Variants in PPP1R12B observed in about 807,000 individuals in gnomAD.
The protein encoded by PPP1R12B is protein phosphatase 1 regulatory subunit 12B.
Under a neutral mutation model 126.1 loss-of-function variants are expected in PPP1R12B, and 76 were observed. The ratio of observed to expected loss-of-function variants is 0.60; its 90% CI spans 0.50 to 0.73. The LOEUF is 0.73. PPP1R12B is among the 30% of genes least tolerant of loss of function. PPP1R12B has a pLI of 0.00. For synonymous variants in PPP1R12B, 356 were observed against 434.7 expected (o/e 0.82, Z 2.25); for missense variants, 1,052 against 1,205.1 (o/e 0.87, Z 1.88).
At chr1:202,473,430 A>G (rs767325394) in intron 13 of PPP1R12B, among the ~76,000 whole-genome samples, 2 of 152,200 alleles carry the variant, frequency 1.3e-5, no homozygotes, top group Non-Finnish European at 2.9e-5. Context: ...GGCATTTGCT[A>G]GCTGGCTATG....
At position 202,508,158 on chromosome 1, in the gene PPP1R12B, T is replaced by C. The variant is rs1037305451; in HGVS notation, c.2490+11336T>C. Among the ~76,000 whole-genome samples the C allele has an allele frequency of 3.9e-5, 6 of 152,202 alleles. No homozygotes were observed. Among genetic ancestry groups the C allele is most frequent in the African/African-American group, 1.4e-4 (6 of 41,464 alleles). On this transcript the variant is annotated intron_variant, in intron 18 of 23. Transcript: ENST00000608999. The surrounding 1 kb of genome is among the most constrained non-coding windows in gnomAD (Gnocchi z 4.5). The stretch of plus-strand genomic sequence containing the variant: ...TCCCAATTTTAACTTTTCTCCATAC[T>C]GTCTCAGTCTTCAGTAAAGCAAGTT...
chr1:202,362,914 A>C (rs994534904), intron 1 of PPP1R12B, among the ~76,000 whole-genome samples: 3 of 152,146 alleles, frequency 2.0e-5, no homozygotes, highest in East Asian at 1.9e-4. Context: ...GCTCACTGCA[A>C]CTTCTGCCTA....
chr1:202,492,200 G>A (rs139327178), intron 14 of PPP1R12B, among the ~76,000 whole-genome samples: 31 of 152,078 alleles, frequency 2.0e-4, no homozygotes, highest in Middle Eastern at 3.4e-3. Context: ...CATTATACTC[G>A]TCTGTCTTCT....
rs1047833833 is a variant in PPP1R12B, at chr1:202,364,582, A to T, written c.291+15440A>T. Among the ~76,000 whole-genome samples the T allele has an allele frequency of 7.3e-5, 11 of 150,706 alleles. No individual in the cohort carries two copies. In the East Asian group the frequency reaches 1.2e-3, roughly 16 times the overall value. On this transcript the variant is annotated intron_variant, in intron 1 of 23. Coordinates refer to ENST00000608999, the MANE Select transcript of PPP1R12B (RefSeq NM_002481.4). ...TTAATTAATTTATTTATTTTTATTT[A>T]TTTATTTTTTTTGAGACGGAGTCTT...
intron 1 of PPP1R12B, among the ~76,000 whole-genome samples, chr1:202,364,839 G>A (rs1243090812): frequency 2.0e-5 from 3 of 152,104 alleles, no homozygotes; most frequent in Non-Finnish European, 4.4e-5. Context: ...GCCTCCCAAA[G>A]TGCTGGGATT....
intron 18 of PPP1R12B, among the ~76,000 whole-genome samples, chr1:202,533,736 G>T (rs1364109893): frequency 6.6e-6 from 1 of 152,180 alleles, no homozygotes; most frequent in Non-Finnish European, 1.5e-5. Context: ...TGTCATAGAA[G>T]CGATACTGTA....
At chr1:202,533,200 A>G (rs1558341527) in intron 18 of PPP1R12B, among the ~76,000 whole-genome samples, 1 of 152,090 alleles carries the variant, frequency 6.6e-6, no homozygotes, top group Non-Finnish European at 1.5e-5. Flanking sequence ...ATGGGAGCAG[A>G]AAGATCCAAT....
At position 202,590,274 on chromosome 1, in the gene PPP1R12B, A is replaced by G. The variant is rs1049137073; in HGVS notation, c.*9714A>G. The G allele has an allele frequency of 1.7e-5, 2 of 117,906 alleles. No individual in the cohort carries two copies. The highest frequency in any genetic ancestry group is 3.5e-5 in the Non-Finnish European group (2 of 56,760). The allele number at this position is 117,906 out of a possible 1,614,324, so 7.3% of individuals were successfully genotyped here. A position where few individuals can be genotyped will look rare whatever the true frequency, so the allele number is the denominator to read the frequency against. On this transcript the variant is annotated 3_prime_UTR_variant, in exon 24 of 24. Coordinates refer to ENST00000608999, the MANE Select transcript of PPP1R12B (RefSeq NM_002481.4). ...ATTCAAGAATATAGTCCCCACCACCACCCCGCCCCGCCCAGCCTCCCAGAC... is the reference window on the plus strand; with the variant it reads ...ATTCAAGAATATAGTCCCCACCACCGCCCCGCCCCGCCCAGCCTCCCAGAC...
intron 13 of PPP1R12B, among the ~76,000 whole-genome samples, chr1:202,470,298 G>GTATTTAGTATTTAGCAC (rs1675669956): frequency 6.6e-6 from 1 of 152,060 alleles, no homozygotes; most frequent in Non-Finnish European, 1.5e-5. Context: ...AGCATATACT[G>GTATTTAGTATTTAGCAC]AGGAGTACCT....
At chr1:202,444,341 G>T (rs547158484) in intron 12 of PPP1R12B, among the ~76,000 whole-genome samples, 92 of 152,138 alleles carry the variant, frequency 6.0e-4, no homozygotes, top group African/African-American at 2.0e-3. Context: ...TTTGAAATTT[G>T]AACCCAAATA....
intron 1 of PPP1R12B, among the ~76,000 whole-genome samples, chr1:202,351,497 C>T (rs1171280996): frequency 1.3e-5 from 2 of 152,162 alleles, no homozygotes; most frequent in Non-Finnish European, 2.9e-5. Context: ...CCTCGGCCTC[C>T]CAAAGTGCTG....
chr1:202,509,780 G>A (rs1275304732), intron 18 of PPP1R12B, among the ~76,000 whole-genome samples: 1 of 152,170 alleles, frequency 6.6e-6, no homozygotes, highest in Admixed American at 6.5e-5. Context: ...TTGGGGATTT[G>A]TGGAGGGGAT....
At chr1:202,439,009 G>C in intron 10 of PPP1R12B, 7 of 1,410,894 alleles carry the variant, frequency 5.0e-6, no homozygotes, top group Non-Finnish European at 6.0e-6. Context: ...GGAAGCAGGA[G>C]TGCGGCAGTG....
intron 20 of PPP1R12B, among the ~76,000 whole-genome samples, chr1:202,563,967 G>A (rs1027953880): frequency 2.0e-5 from 3 of 152,156 alleles, no homozygotes; most frequent in Non-Finnish European, 4.4e-5. Flanking sequence ...TACTAAGTTA[G>A]GAGGATTGCT....
At position 202,548,800 on chromosome 1, in the gene PPP1R12B, CTCTCTCTCTATATA is replaced by C. The variant is rs1448262502; in HGVS notation, c.2491-10075_2491-10062del. On this transcript the variant is annotated intron_variant, in intron 18 of 23. Transcript: ENST00000608999. ...TGTCTCTCTCTCTCTCTCTCTCTCT[CTCTCTCTCTATATA>C]TATATATATATATATATATATAATT... Among the ~76,000 whole-genome samples, 55 of 104,724 alleles carry C rather than the reference CTCTCTCTCTATATA, an allele frequency of 5.3e-4. 1 individual carries two copies. The highest frequency in any genetic ancestry group is 6.0e-4 in the Non-Finnish European group (29 of 48,258). The allele number at this position is 104,724 out of a possible 152,430, so 68.7% of individuals were successfully genotyped here. A position where few individuals can be genotyped will look rare whatever the true frequency, so the allele number is the denominator to read the frequency against.
Position 202,587,518 on chromosome 1 carries a change from A to AAACAG in PPP1R12B, c.*6961_*6965dup, listed in dbSNP as rs1299768173. 6.6e-6 allele frequency: 1 copy of AAACAG among 151,268 alleles called. No homozygotes were observed. The allele number at this position is 151,268 out of a possible 1,614,324, so 9.4% of individuals were successfully genotyped here. A position where few individuals can be genotyped will look rare whatever the true frequency, so the allele number is the denominator to read the frequency against. ...TTATCCTGAGACTGTTTATAGCTTAAAACAGAAGTGTGTCTTCCCAGCACA... is the reference window on the plus strand; with the variant it reads ...TTATCCTGAGACTGTTTATAGCTTAAAACAGAACAGAAGTGTGTCTTCCCAGCACA... On this transcript the variant is annotated 3_prime_UTR_variant, in exon 24 of 24. Coordinates refer to ENST00000608999, the MANE Select transcript of PPP1R12B (RefSeq NM_002481.4).
chr1:202,451,877 C>T (rs1419196560), intron 13 of PPP1R12B, among the ~76,000 whole-genome samples: 2 of 151,666 alleles, frequency 1.3e-5, no homozygotes, highest in African/African-American at 4.9e-5. Flanking sequence ...GACGGGGTGG[C>T]TGCTGGGTGG....
chr1:202,398,352 A>C (rs1472144026), intron 1 of PPP1R12B, among the ~76,000 whole-genome samples: 2 of 152,194 alleles, frequency 1.3e-5, no homozygotes. Flanking sequence ...AACTTAGAAA[A>C]CTTAGAAAAT....
At position 202,462,751 on chromosome 1, in the gene PPP1R12B, T is replaced by C. The variant is rs1032066287; in HGVS notation, c.1850+13580T>C. 4.1e-6 allele frequency: 4 copies of C among 980,388 alleles called. No homozygotes were observed. The African/African-American group carries it at 7.0e-5, about 17-fold the overall frequency. The allele number at this position is 980,388 out of a possible 1,614,324, so 60.7% of individuals were successfully genotyped here. On this transcript the variant is annotated intron_variant, in intron 13 of 23. Transcript: ENST00000608999. ...CATGTTAGAAAAGGACAGTTGCTGG[T>C]ACAATCTCATAAAATGGGCTCCAGT...
Sources: gnomAD v4.1 joint callset for allele counts (sites outside exome capture counted in the v4.1 genomes callset) on GRCh38, gnomAD v4.1.1 for gene constraint, Gnocchi (gnomAD v3.1) non-coding constraint, MANE v1.5 for transcripts, NCBI Gene and HGNC (gene_info 2026-07-23, HGNC 2026-07-21) for gene names.